ERBIN: variants seen among roughly 807,000 people sequenced by gnomAD.
ERBIN encodes the protein densin-180-like protein.
Under a neutral mutation model 158.4 loss-of-function variants are expected in ERBIN, and 60 were observed. The observed-to-expected ratio is 0.38, with a 90% CI of 0.31 to 0.47. The LOEUF is 0.47. Among genes scored for constraint, ERBIN ranks in the 20% least tolerant of loss-of-function variants. The probability of loss-of-function intolerance (pLI) is 0.99; values close to 1 mark genes in which losing one functional copy is unlikely to be tolerated. For synonymous variants in ERBIN, 594 were observed against 557.2 expected, an observed-to-expected ratio of 1.07 and a Z score of -0.93; for missense variants, 1,610 against 1,648.0, an observed-to-expected ratio of 0.98 and a Z score of 0.40.
chr5:65,978,737 T>C (rs923231066), intron 1 of ERBIN, among the ~76,000 whole-genome samples: 19 of 152,114 alleles, frequency 1.2e-4, no homozygotes, highest in South Asian at 8.3e-4. Context: ...AAGGCAAAAA[T>C]CAAATAATTA....
At chr5:65,980,546 T>A (rs1750542055) in intron 1 of ERBIN, among the ~76,000 whole-genome samples, 1 of 152,172 alleles carries the variant, frequency 6.6e-6, no homozygotes, top group East Asian at 1.9e-4. Flanking sequence ...ATTGTCAAAT[T>A]TGATTTCTAA....
intron 4 of ERBIN, among the ~76,000 whole-genome samples, chr5:66,002,734 C>T (rs1043034142): frequency 1.3e-5 from 2 of 152,114 alleles, no homozygotes; most frequent in Non-Finnish European, 2.9e-5. Context: ...AGTGGAAAAG[C>T]CTTTTCACAT....
chr5:66,055,189 G>C (rs553330607), intron 21 of ERBIN: 4 of 971,222 alleles, frequency 4.1e-6, no homozygotes, highest in Admixed American at 8.0e-5. Flanking sequence ...AATTTTATAT[G>C]TTTATGTGTC....
At chr5:66,007,305 T>C (rs557898164) in intron 4 of ERBIN, among the ~76,000 whole-genome samples, 5 of 152,022 alleles carry the variant, frequency 3.3e-5, no homozygotes, top group Admixed American at 6.5e-5. Flanking sequence ...AACCAAACAC[T>C]GCATGTTCTC....
At chr5:65,992,378 A>G (rs1308308721) in intron 2 of ERBIN, among the ~76,000 whole-genome samples, 4 of 151,952 alleles carry the variant, frequency 2.6e-5, no homozygotes, top group Non-Finnish European at 5.9e-5. Flanking sequence ...TCATCTCCTG[A>G]CCTCGTGTTC....
Position 66,078,589 on chromosome 5 carries a change from G to A in ERBIN, c.*59G>A. ...AGATTTATTGGAAGATACTTACAGG[G>A]GAAATTAATATTTTGACTATTTTTA... On this transcript the variant is annotated 3_prime_UTR_variant, in exon 26 of 26. Transcript: ENST00000284037. 1 of 977,284 alleles carries A rather than the reference G, an allele frequency of 1.0e-6. No homozygotes were observed. The allele number at this position is 977,284 out of a possible 1,614,324, so 60.5% of individuals were successfully genotyped here. A position where few individuals can be genotyped will look rare whatever the true frequency, so the allele number is the denominator to read the frequency against.
At chr5:65,949,334 A>T (rs981837175) in intron 1 of ERBIN, among the ~76,000 whole-genome samples, 3 of 152,010 alleles carry the variant, frequency 2.0e-5, no homozygotes, top group Non-Finnish European at 4.4e-5. Flanking sequence ...TCTGTGCTAT[A>T]AAAAAAATAC....
chr5:65,963,674 TC>T (rs1748184528), intron 1 of ERBIN, among the ~76,000 whole-genome samples: 3 of 152,198 alleles, frequency 2.0e-5, no homozygotes. Flanking sequence ...AATGTATTGT[TC>T]CTTTACAAAT....
chr5:66,068,324 C>G (rs992160370), intron 21 of ERBIN, among the ~76,000 whole-genome samples: 1 of 149,128 alleles, frequency 6.7e-6, no homozygotes, highest in Non-Finnish European at 1.5e-5. Flanking sequence ...GAGTCTACCT[C>G]TTAAAAAAAA....
intron 4 of ERBIN, among the ~76,000 whole-genome samples, chr5:66,007,546 T>TA (rs34972803): frequency 0.024 from 3,306 of 136,904 alleles, 108 homozygotes; most frequent in African/African-American, 0.079. Flanking sequence ...TAAAGTATAA[T>TA]AAAAAAAAAA....
chr5:66,024,585 G>T, intron 10 of ERBIN, 135 bp downstream of exon 10: 1 of 823,526 alleles, frequency 1.2e-6, no homozygotes, highest in Non-Finnish European at 1.8e-6. Context: ...ATTTTTCCTG[G>T]TGTGATCAGT....
intron 21 of ERBIN, among the ~76,000 whole-genome samples, chr5:66,057,478 AAT>A (rs1466402690): frequency 6.6e-6 from 1 of 152,128 alleles, no homozygotes; most frequent in Non-Finnish European, 1.5e-5. Flanking sequence ...ATGATGGTAA[AAT>A]AATTATTTTT....
At chr5:65,968,403 G>A (rs528089933) in intron 1 of ERBIN, among the ~76,000 whole-genome samples, 1 of 152,142 alleles carries the variant, frequency 6.6e-6, no homozygotes, top group African/African-American at 2.4e-5. Context: ...TTAAGTACTA[G>A]AGTAGCATTC....
At chr5:65,986,689 A>G (rs963682988) in intron 1 of ERBIN, among the ~76,000 whole-genome samples, 1 of 152,256 alleles carries the variant, frequency 6.6e-6, no homozygotes, top group African/African-American at 2.4e-5. Context: ...TGTTGGCTGC[A>G]AGTAAAGAAA....
chr5:66,026,278 A>T, intron 12 of ERBIN, 24 bp from the exon 13 acceptor site: 1 of 1,491,480 alleles, frequency 6.7e-7, no homozygotes, highest in Non-Finnish European at 9.0e-7. Context: ...ATTTTTTGAT[A>T]CTCAGTTTAT....
intron 1 of ERBIN, among the ~76,000 whole-genome samples, chr5:65,942,258 T>C (rs1745146440): frequency 6.6e-6 from 1 of 152,238 alleles, no homozygotes; most frequent in African/African-American, 2.4e-5. Flanking sequence ...ATAACTCAGA[T>C]TAGAAAAAGA....
rs199689728 is a variant in ERBIN at position 66,076,836 on chromosome 5, A to G, written c.4057-39A>G. 117 of 1,442,642 alleles carry G rather than the reference A, an allele frequency of 8.1e-5. 1 individual carries two copies. The African/African-American group carries it at 1.5e-3, about 18-fold the overall frequency. The allele number at this position is 1,442,642 out of a possible 1,614,324, so 89.4% of individuals were successfully genotyped here. A position where few individuals can be genotyped will look rare whatever the true frequency, so the allele number is the denominator to read the frequency against. ...CTCCTTGGTACTCTGTTATTTATAC[A>G]TACTGTTTTTAGTTAAATAATTTTT... On this transcript the variant is annotated intron_variant, in intron 24 of 25. Coordinates refer to ENST00000284037, the MANE Select transcript of ERBIN (RefSeq NM_001253697.2).
At chr5:66,076,748 G>T in intron 24 of ERBIN, 127 bp from the exon 25 acceptor site, 2 of 710,166 alleles carry the variant, frequency 2.8e-6, no homozygotes, top group Non-Finnish European at 4.9e-6. Flanking sequence ...GTATTACTCA[G>T]AGAAGTCAGG....
intron 8 of ERBIN, among the ~76,000 whole-genome samples, chr5:66,022,164 G>C (rs1755767531): frequency 6.6e-6 from 1 of 152,096 alleles, no homozygotes; most frequent in Admixed American, 6.6e-5. Flanking sequence ...GCTGAGGTTT[G>C]AGGAGGAACA....
Sources: allele counts gnomAD v4.1 joint callset (sites outside exome capture counted in the v4.1 genomes callset), GRCh38; gene constraint gnomAD v4.1.1; transcripts MANE v1.5; gene names NCBI Gene and HGNC (gene_info 2026-07-23, HGNC 2026-07-21).